MSRA: variants seen among roughly 807,000 people sequenced by gnomAD.
MSRA encodes methionine sulfoxide reductase A.
MSRA carries 54 observed loss-of-function variants against 31.3 expected under a neutral mutation model. That is an observed-to-expected ratio of 1.73 (90% confidence interval 1.39 to 2.17). The LOEUF is 2.17. MSRA is among the 30% of genes most tolerant of loss of function. The probability of loss-of-function intolerance (pLI) is 0.00; values close to 1 mark genes in which losing one functional copy is unlikely to be tolerated. For synonymous variants in MSRA, 169 were observed against 116.5 expected, an observed-to-expected ratio of 1.45 and a Z score of -2.90; for missense variants, 507 against 300.9, an observed-to-expected ratio of 1.69 and a Z score of -5.07.
At chr8:10,145,434 G>A (rs1803062330) in intron 1 of MSRA, among the ~76,000 whole-genome samples, 1 of 152,152 alleles carries the variant, frequency 6.6e-6, no homozygotes, top group African/African-American at 2.4e-5. Context: ...GTTGATTCAG[G>A]CTGTGTTTTA....
intron 5 of MSRA, among the ~76,000 whole-genome samples, chr8:10,338,038 C>T (rs1803167133): frequency 6.6e-6 from 1 of 151,346 alleles, no homozygotes; most frequent in Non-Finnish European, 1.5e-5. Context: ...AAAGAGCAGC[C>T]AAAGAAAAAA....
intron 1 of MSRA, among the ~76,000 whole-genome samples, chr8:10,089,927 C>G (rs929911596): frequency 2.0e-5 from 3 of 152,140 alleles, no homozygotes; most frequent in African/African-American, 7.2e-5. Context: ...CCCCCAGGAG[C>G]CGAACACCTT....
chr8:10,064,663 T>C (rs1797368989), intron 1 of MSRA, among the ~76,000 whole-genome samples: 1 of 152,218 alleles, frequency 6.6e-6, no homozygotes, highest in Non-Finnish European at 1.5e-5. Flanking sequence ...AGGAAAGTAA[T>C]ACTAGTGTTG....
chr8:10,243,195 C>T (rs899953907), intron 2 of MSRA, among the ~76,000 whole-genome samples: 4 of 152,130 alleles, frequency 2.6e-5, no homozygotes, highest in Admixed American at 6.5e-5. Flanking sequence ...CTGGTGCCAT[C>T]GCTGTTAGTC....
intron 1 of MSRA, among the ~76,000 whole-genome samples, chr8:10,068,330 C>T (rs1224939234): frequency 6.6e-6 from 1 of 152,058 alleles, no homozygotes; most frequent in Non-Finnish European, 1.5e-5. Flanking sequence ...TAAATGACAT[C>T]CAGCTTGTGG....
At chr8:10,154,119 T>A (rs1418099230) in intron 1 of MSRA, among the ~76,000 whole-genome samples, 1 of 152,220 alleles carries the variant, frequency 6.6e-6, no homozygotes, top group Non-Finnish European at 1.5e-5. Context: ...ATTGTATATT[T>A]GTTGAAAGTA....
chr8:10,112,867 A>G (rs1028834324), intron 1 of MSRA, among the ~76,000 whole-genome samples: 33 of 152,086 alleles, frequency 2.2e-4, no homozygotes, highest in Non-Finnish European at 5.9e-5. Flanking sequence ...AAGAGCTCTC[A>G]CCCTTGAACT....
chr8:10,198,714 A>G (rs1404833566), intron 1 of MSRA, among the ~76,000 whole-genome samples: 1 of 152,104 alleles, frequency 6.6e-6, no homozygotes, highest in Non-Finnish European at 1.5e-5. Context: ...GCTTCTAACT[A>G]CTGGGCTCAA....
At chr8:10,284,546 T>A (rs1799831096) in intron 3 of MSRA, among the ~76,000 whole-genome samples, 1 of 152,196 alleles carries the variant, frequency 6.6e-6, no homozygotes, top group Non-Finnish European at 1.5e-5. Context: ...AAAAGAAAAC[T>A]TAAATAAATG....
At chr8:10,144,994 C>A (rs1021279402) in intron 1 of MSRA, among the ~76,000 whole-genome samples, 2 of 151,050 alleles carry the variant, frequency 1.3e-5, no homozygotes, top group Non-Finnish European at 3.0e-5. Context: ...CTCCTTTCCC[C>A]TCCCCCCGCC....
chr8:10,054,712 T>C, intron 1 of MSRA, 54 bp downstream of exon 1: 1 of 1,413,930 alleles, frequency 7.1e-7, no homozygotes. Context: ...ATGCGCGCCT[T>C]TGCCCGGCGG....
At chr8:10,080,127 A>C (rs1798217165) in intron 1 of MSRA, among the ~76,000 whole-genome samples, 1 of 151,920 alleles carries the variant, frequency 6.6e-6, no homozygotes, top group Non-Finnish European at 1.5e-5. Flanking sequence ...TTTCCCCTTG[A>C]GGCAAAGGCA....
chr8:10,192,751 G>A (rs1015277498), intron 1 of MSRA, among the ~76,000 whole-genome samples: 1 of 152,212 alleles, frequency 6.6e-6, no homozygotes, highest in Non-Finnish European at 1.5e-5. Flanking sequence ...TTTTCTCACT[G>A]AAACAGTATT....
At chr8:10,286,508 T>C (rs528932132) in intron 3 of MSRA, among the ~76,000 whole-genome samples, 52 of 152,378 alleles carry the variant, frequency 3.4e-4, no homozygotes, top group Non-Finnish European at 6.9e-4. Context: ...CATGTGGAAC[T>C]GTAAGTAGGA....
intron 5 of MSRA, among the ~76,000 whole-genome samples, chr8:10,359,185 C>G (rs1026520396): frequency 6.6e-6 from 1 of 152,150 alleles, no homozygotes; most frequent in African/African-American, 2.4e-5. Context: ...CCTTGACTTG[C>G]TTTTCTTTAT....
chr8:10,378,031 C>T (rs1197733220), intron 5 of MSRA, among the ~76,000 whole-genome samples: 2 of 152,334 alleles, frequency 1.3e-5, no homozygotes, highest in East Asian at 3.9e-4. Flanking sequence ...GCAAAAGGCC[C>T]CGGGTGGCCA....
intron 5 of MSRA, among the ~76,000 whole-genome samples, chr8:10,339,242 T>A (rs1385942795): frequency 6.6e-6 from 1 of 152,208 alleles, no homozygotes; most frequent in Non-Finnish European, 1.5e-5. Context: ...TGTAAAACTC[T>A]TACGTTACCA....
chr8:10,202,254 A>C (rs908093419), intron 1 of MSRA, among the ~76,000 whole-genome samples: 2 of 152,228 alleles, frequency 1.3e-5, no homozygotes, highest in African/African-American at 2.4e-5. Flanking sequence ...GCAGAATTTC[A>C]ATGAGAAAAT....
intron 2 of MSRA, among the ~76,000 whole-genome samples, chr8:10,244,329 T>G (rs145568616): frequency 0.017 from 2,526 of 152,292 alleles, 27 homozygotes; most frequent in Non-Finnish European, 0.027. Context: ...ATGGCAACAT[T>G]TGCGACGTGC....
Sources: gnomAD v4.1 joint callset for allele counts (sites outside exome capture counted in the v4.1 genomes callset) on GRCh38, gnomAD v4.1.1 for gene constraint, MANE v1.5 for transcripts, NCBI Gene and HGNC (gene_info 2026-07-23, HGNC 2026-07-21) for gene names.